Variants in GRB14 observed in about 807,000 individuals in gnomAD.
GRB14 encodes growth factor receptor bound protein 14, also known as growth factor receptor-bound protein 14.
GRB14 carries 38 observed loss-of-function variants against 69.1 expected under a neutral mutation model. The observed-to-expected ratio is 0.55, with a 90% CI of 0.42 to 0.72. GRB14 has a LOEUF of 0.72. Ranked by LOEUF, GRB14 falls within the 30% of genes least tolerant of loss-of-function variation. The probability of loss-of-function intolerance (pLI) is 0.00; values close to 1 mark genes in which losing one functional copy is unlikely to be tolerated. For missense variants in GRB14, 666 were observed against 666.1 expected, an observed-to-expected ratio of 1.00 and a Z score of 0.00; for synonymous variants, 247 against 241.3, an observed-to-expected ratio of 1.02 and a Z score of -0.22.
At chr2:164,598,061 C>A (rs1195036433) in intron 2 of GRB14, among the ~76,000 whole-genome samples, 1 of 151,986 alleles carries the variant, frequency 6.6e-6, no homozygotes, top group Non-Finnish European at 1.5e-5. Context: ...GACCCTAGAA[C>A]CTTCTCTCCC....
chr2:164,503,184 A>AAG (rs1687104503), intron 8 of GRB14, among the ~76,000 whole-genome samples: 1 of 144,376 alleles, frequency 6.9e-6, no homozygotes, highest in South Asian at 2.1e-4. Flanking sequence ...AAAAAAAAAA[A>AAG]AAAGAAAAGA....
chr2:164,588,745 T>C (rs1689593215), intron 2 of GRB14, among the ~76,000 whole-genome samples: 1 of 152,212 alleles, frequency 6.6e-6, no homozygotes, highest in Non-Finnish European at 1.5e-5. Context: ...TTTTCATTTT[T>C]AGCCACCTGT....
intron 6 of GRB14, among the ~76,000 whole-genome samples, chr2:164,509,259 C>T (rs1687275519): frequency 6.6e-6 from 1 of 152,124 alleles, no homozygotes; most frequent in Non-Finnish European, 1.5e-5. Context: ...GCTTCCATAG[C>T]AGTTAGAGAA....
At chr2:164,568,518 T>A (rs1043917874) in intron 2 of GRB14, 8 of 1,085,328 alleles carry the variant, frequency 7.4e-6, no homozygotes, top group East Asian at 7.4e-5. Context: ...GCTTATGTGA[T>A]TCCAATCTAC....
At chr2:164,523,211 C>G (rs57599816) in intron 5 of GRB14, among the ~76,000 whole-genome samples, 3,447 of 152,110 alleles carry the variant, frequency 0.023, 116 homozygotes, top group African/African-American at 0.079. Flanking sequence ...AAACTCTTCC[C>G]AGATGCCTGT....
rs1340425336 is a variant in GRB14, at chr2:164,493,064, T to C, written c.1595A>G (p.Lys532Arg). ...GAGAGCAATCCTAGCACAATAATGT[T>C]TCAACTTGCAAGGAAGAACGCCCTT... is the stretch of plus-strand genomic sequence containing the variant. ...LNKGVLPCKLKHYCARIAL is the reference protein window; with the variant it reads ...LNKGVLPCKLRHYCARIAL Residue 532 changes from lysine (K) to arginine (R), a missense_variant, in exon 14 of 14, where the codon AAA (lysine) becomes AGA (arginine). By Grantham distance (26) the Lys-to-Arg change is conservative (BLOSUM62 2). Transcript: ENST00000263915. 2 of 1,613,496 alleles carry C rather than the reference T, an allele frequency of 1.2e-6. No individual in the cohort carries two copies. Among genetic ancestry groups the C allele is most frequent in the Non-Finnish European group, 1.7e-6 (2 of 1,179,674 alleles).
chr2:164,535,789 A>G (rs1308038281), intron 3 of GRB14, among the ~76,000 whole-genome samples: 2 of 152,208 alleles, frequency 1.3e-5, no homozygotes, highest in African/African-American at 4.8e-5. Flanking sequence ...AATTGCCATC[A>G]GACACATTCA....
At chr2:164,508,908 G>T in intron 6 of GRB14, 56 bp from the exon 7 acceptor site, 3 of 1,198,958 alleles carry the variant, frequency 2.5e-6, no homozygotes, top group Non-Finnish European at 3.5e-6. Flanking sequence ...TTTTTTGTGT[G>T]TTTATATTAT....
At chr2:164,535,712 A>G (rs951194075) in intron 3 of GRB14, among the ~76,000 whole-genome samples, 1 of 152,200 alleles carries the variant, frequency 6.6e-6, no homozygotes, top group East Asian at 1.9e-4. Context: ...AGAATAAAAC[A>G]CAGCTCAATT....
At chr2:164,613,266 T>C (rs1690208324) in intron 2 of GRB14, among the ~76,000 whole-genome samples, 2 of 152,310 alleles carry the variant, frequency 1.3e-5, no homozygotes, top group Admixed American at 6.5e-5. Flanking sequence ...TGTGTCCTGT[T>C]TGAGATCTTT....
chr2:164,620,046 C>G (rs1690410163), intron 1 of GRB14: 2 of 114,280 alleles, frequency 1.8e-5, no homozygotes, highest in South Asian at 1.5e-4. Flanking sequence ...CTGTCTCTCT[C>G]TCTCTCTCTC....
chr2:164,511,430 T>C (rs1311532646), intron 6 of GRB14, among the ~76,000 whole-genome samples: 1 of 152,090 alleles, frequency 6.6e-6, no homozygotes, highest in African/African-American at 2.4e-5. Flanking sequence ...TTAGCCACAG[T>C]AGGACAGGGC....
intron 6 of GRB14, among the ~76,000 whole-genome samples, chr2:164,516,361 G>A (rs939518701): frequency 7.2e-5 from 11 of 151,972 alleles, no homozygotes; most frequent in Non-Finnish European, 1.3e-4. Context: ...GGTGGCGTGC[G>A]CCTGTAATCC....
intron 3 of GRB14, among the ~76,000 whole-genome samples, chr2:164,537,648 A>T (rs190076132): frequency 6.6e-6 from 1 of 152,306 alleles, no homozygotes; most frequent in Admixed American, 6.5e-5. Context: ...GAGGGGAGAG[A>T]TGCTCGGACC....
rs146464021 is a variant in GRB14, at chr2:164,565,235, C to T, written c.325-17419G>A. Among the ~76,000 whole-genome samples the T allele has an allele frequency of 4.6e-3, 696 of 152,006 alleles. 14 individuals carry two copies. The highest frequency in any genetic ancestry group is 0.015 in the African/African-American group (618 of 41,450). On this transcript the variant is annotated intron_variant, in intron 2 of 13. Coordinates refer to ENST00000263915, the MANE Select transcript of GRB14 (RefSeq NM_004490.3). The stretch of plus-strand genomic sequence containing the variant: ...TAAAATGTTTTCTTTATGTAATGTG[C>T]CAATCTGGAGTTCCAGGTATAAACT...
chr2:164,546,404 G>A (rs1357597242), intron 3 of GRB14, among the ~76,000 whole-genome samples: 1 of 151,988 alleles, frequency 6.6e-6, no homozygotes, highest in African/African-American at 2.4e-5. Flanking sequence ...AAAAATAATG[G>A]CAAAGAAGCC....
chr2:164,619,386 G>C (rs1052938687), intron 2 of GRB14, among the ~76,000 whole-genome samples: 2 of 152,122 alleles, frequency 1.3e-5, no homozygotes, highest in Non-Finnish European at 2.9e-5. Context: ...GCTTAAAAAT[G>C]ATCATCTCTT....
chr2:164,518,006 T>G (rs1329479912), intron 6 of GRB14, among the ~76,000 whole-genome samples: 1 of 152,130 alleles, frequency 6.6e-6, no homozygotes, highest in African/African-American at 2.4e-5. Context: ...AACCATATCT[T>G]AAAACAAATG....
At chr2:164,532,150 G>C (rs190239868) in intron 3 of GRB14, among the ~76,000 whole-genome samples, 272 of 152,266 alleles carry the variant, frequency 1.8e-3, no homozygotes, top group African/African-American at 6.4e-3. Flanking sequence ...AGTGAAGGTA[G>C]GTCTAAACCT....
Sources: gnomAD v4.1 joint callset for allele counts (sites outside exome capture counted in the v4.1 genomes callset) on GRCh38, gnomAD v4.1.1 for gene constraint, MANE v1.5 for transcripts, NCBI Gene and HGNC (gene_info 2026-07-23, HGNC 2026-07-21) for gene names.